ARID5B: variants seen among roughly 807,000 people sequenced by gnomAD.
The protein encoded by ARID5B is AT-rich interaction domain 5B.
Under a neutral mutation model 97.2 loss-of-function variants are expected in ARID5B, and 13 were observed. That is an observed-to-expected ratio of 0.13 (90% CI 0.09 to 0.21). The LOEUF is 0.21. Among genes scored for constraint, ARID5B ranks in the 10% least tolerant of loss-of-function variants. The pLI is 1.00. For missense variants in ARID5B, 1,210 were observed against 1,465.3 expected (o/e 0.83, Z 2.84); for synonymous variants, 556 against 570.3 (o/e 0.97, Z 0.36).
At chr10:62,019,347 C>T (rs1322232724) in intron 4 of ARID5B, among the ~76,000 whole-genome samples, 5 of 152,184 alleles carry the variant, frequency 3.3e-5, no homozygotes, top group African/African-American at 4.8e-5. Flanking sequence ...GCATAATTTA[C>T]GGCACTGGCA....
At position 62,000,080 on chromosome 10, in the gene ARID5B, C is replaced by T. The variant is rs377313149; in HGVS notation, c.503-11C>T. The T allele has an allele frequency of 6.8e-6, 11 of 1,612,770 alleles. No individual in the cohort carries two copies. The East Asian group carries it at 8.9e-5, about 13-fold the overall frequency. On this transcript the variant is annotated splice_polypyrimidine_tract_variant and intron_variant, in intron 3 of 9. Coordinates refer to ENST00000279873, the MANE Select transcript of ARID5B (RefSeq NM_032199.3). This position sits in a 1 kb window ranked among gnomAD's most constrained non-coding sequence, Gnocchi z 4.4. ...GAAGAGGGTAATGGAAGTGTTTTCT[C>T]GTTTGTCTAGGGGAGGACGAGGAAG... is the stretch of plus-strand genomic sequence containing the variant.
chr10:61,920,407 A>G (rs914158425), intron 2 of ARID5B, among the ~76,000 whole-genome samples: 5 of 150,274 alleles, frequency 3.3e-5, no homozygotes, highest in Non-Finnish European at 4.4e-5. Flanking sequence ...TCGGCTCACT[A>G]CAACCTCCGC....
chr10:62,059,396 G>C (rs991137343), intron 7 of ARID5B, 101 bp downstream of exon 7: 3 of 952,452 alleles, frequency 3.1e-6, no homozygotes, highest in Non-Finnish European at 3.3e-6. Flanking sequence ...ATCACTGACT[G>C]CCTTTTCAAA....
At chr10:62,024,887 G>C (rs1473261228) in intron 4 of ARID5B, 1 of 350,362 alleles carries the variant, frequency 2.9e-6, no homozygotes, top group Non-Finnish European at 5.1e-6. Flanking sequence ...AGACACTTAG[G>C]AATAGACAAG....
intron 3 of ARID5B, among the ~76,000 whole-genome samples, chr10:61,971,759 A>G (rs1316084866): frequency 6.6e-6 from 1 of 152,214 alleles, no homozygotes; most frequent in African/African-American, 2.4e-5. Flanking sequence ...GCAGGAAAAA[A>G]AGATGTCAGT....
chr10:62,085,640 C>A, intron 8 of ARID5B, 62 bp from the exon 9 acceptor site: 1 of 1,344,282 alleles, frequency 7.4e-7, no homozygotes, highest in Non-Finnish European at 1.0e-6. Flanking sequence ...AGTAAACCCC[C>A]ATAGCATTGA....
At chr10:62,031,331 CAAG>C (rs1279165644) in intron 4 of ARID5B, among the ~76,000 whole-genome samples, 1 of 152,218 alleles carries the variant, frequency 6.6e-6, no homozygotes, top group Admixed American at 6.5e-5. Flanking sequence ...GTCTAAACTA[CAAG>C]AAGGACCTCT....
intron 3 of ARID5B, among the ~76,000 whole-genome samples, chr10:61,954,786 C>G (rs1335283034): frequency 6.6e-6 from 1 of 152,268 alleles, no homozygotes; most frequent in South Asian, 2.1e-4. Flanking sequence ...GCAGGTGGAT[C>G]ACCTGAGGTC....
chr10:61,993,812 A>T (rs1364676725), intron 3 of ARID5B, among the ~76,000 whole-genome samples: 1 of 152,220 alleles, frequency 6.6e-6, no homozygotes, highest in African/African-American at 2.4e-5. Flanking sequence ...TGCTAGGAGC[A>T]CAGTGAAAAG....
At chr10:61,990,935 C>A (rs1838915091) in intron 3 of ARID5B, among the ~76,000 whole-genome samples, 1 of 151,980 alleles carries the variant, frequency 6.6e-6, no homozygotes, top group South Asian at 2.1e-4. Flanking sequence ...TCCTAGACCC[C>A]CTGCACCTAG....
At chr10:61,987,233 T>G (rs1290053995) in intron 3 of ARID5B, among the ~76,000 whole-genome samples, 2 of 151,884 alleles carry the variant, frequency 1.3e-5, no homozygotes, top group Non-Finnish European at 2.9e-5. Context: ...CATTCAGGGG[T>G]CACAGAGCAA....
At chr10:62,024,524 C>G in intron 4 of ARID5B, 2 of 355,596 alleles carry the variant, frequency 5.6e-6, no homozygotes, top group Non-Finnish European at 1.0e-5. Context: ...AGGATCATAC[C>G]TCGGGACTTT....
At chr10:62,032,987 A>G (rs1839516586) in intron 4 of ARID5B, among the ~76,000 whole-genome samples, 1 of 152,146 alleles carries the variant, frequency 6.6e-6, no homozygotes, top group African/African-American at 2.4e-5. Context: ...TCAACCCTCT[A>G]TGGGGCCCAA....
chr10:61,958,651 C>A (rs1459419532), intron 3 of ARID5B, among the ~76,000 whole-genome samples: 1 of 152,186 alleles, frequency 6.6e-6, no homozygotes, highest in African/African-American at 2.4e-5. Flanking sequence ...ATCTTGTGGT[C>A]AGCTCTGACT....
intron 4 of ARID5B, among the ~76,000 whole-genome samples, chr10:62,044,144 T>G (rs1487135479): frequency 6.6e-6 from 1 of 151,880 alleles, no homozygotes; most frequent in East Asian, 1.9e-4. Context: ...AATGCTAAAT[T>G]GTAGTTTGTG....
At chr10:61,949,634 T>A (rs1349856616) in intron 3 of ARID5B, among the ~76,000 whole-genome samples, 1 of 152,018 alleles carries the variant, frequency 6.6e-6, no homozygotes, top group Non-Finnish European at 1.5e-5. Flanking sequence ...CGAAACTTTG[T>A]CCACACCACC....
intron 7 of ARID5B, among the ~76,000 whole-genome samples, chr10:62,068,645 G>A (rs983601273): frequency 2.0e-5 from 3 of 151,732 alleles, no homozygotes; most frequent in Admixed American, 6.6e-5. Context: ...AATTCCACTG[G>A]CACCTTTGCC....
chr10:62,055,317 G>A (rs573360789), intron 5 of ARID5B, among the ~76,000 whole-genome samples: 1 of 152,266 alleles, frequency 6.6e-6, no homozygotes. Flanking sequence ...ATGATCTTGT[G>A]ATGTTGTACA....
chr10:61,978,615 T>C (rs1186435421), intron 3 of ARID5B, among the ~76,000 whole-genome samples: 1 of 152,212 alleles, frequency 6.6e-6, no homozygotes, highest in Non-Finnish European at 1.5e-5. Flanking sequence ...TTATTCTCTT[T>C]GAAGCAATTG....
Sources: gnomAD v4.1 joint callset for allele counts (sites outside exome capture counted in the v4.1 genomes callset) on GRCh38, gnomAD v4.1.1 for gene constraint, Gnocchi (gnomAD v3.1) non-coding constraint, MANE v1.5 for transcripts, NCBI Gene and HGNC (gene_info 2026-07-23, HGNC 2026-07-21) for gene names.